Variants in USP7 observed in about 807,000 individuals in gnomAD.
USP7 encodes ubiquitin specific peptidase 7.
In USP7, 9 loss-of-function variants were observed where a neutral mutation model predicts 162.9. That is an observed-to-expected ratio of 0.06 (90% CI 0.03 to 0.10). The LOEUF is 0.10. Among genes scored for constraint, USP7 ranks in the 10% least tolerant of loss-of-function variants. USP7 has a pLI of 1.00. For missense variants in USP7, 715 were observed against 1,373.7 expected (o/e 0.52, Z 7.58); for synonymous variants, 562 against 475.9 (o/e 1.18, Z -2.35).
chr16:8,920,243 C>T (rs767163734), intron 5 of USP7, 116 bp downstream of exon 5: 6 of 865,624 alleles, frequency 6.9e-6, no homozygotes, highest in South Asian at 3.3e-5. Context: ...ACAGGGCAAG[C>T]GCAGAGAGGA....
chr16:8,961,147 C>T (rs769648852), intron 1 of USP7, among the ~76,000 whole-genome samples: 1 of 151,998 alleles, frequency 6.6e-6, no homozygotes, highest in African/African-American at 2.4e-5. Flanking sequence ...GCCTTGAAAA[C>T]GTGCATGGAG....
At chr16:8,895,605 A>T in intron 27 of USP7, 37 bp downstream of exon 27, 1 of 1,535,966 alleles carries the variant, frequency 6.5e-7, no homozygotes, top group Middle Eastern at 1.7e-4. Flanking sequence ...GGGGCTCATG[A>T]ATTCTCTCTG....
intron 10 of USP7, among the ~76,000 whole-genome samples, 161 bp from the exon 11 acceptor site, chr16:8,910,988 C>T (rs1397821015): frequency 6.6e-6 from 1 of 152,212 alleles, no homozygotes; most frequent in Admixed American, 6.5e-5. Flanking sequence ...GGTAAATGTG[C>T]TGTTAGCACC....
chr16:8,914,449 G>A (rs1171643605), intron 10 of USP7, among the ~76,000 whole-genome samples: 1 of 152,132 alleles, frequency 6.6e-6, no homozygotes, highest in Admixed American at 6.5e-5. Context: ...AAGAATGGTC[G>A]ATCTGCCTTA....
At position 8,919,064 on chromosome 16, in the gene USP7, T is replaced by G; in HGVS notation, c.687A>C (p.Leu229=). 1 of 1,613,944 alleles carries G rather than the reference T, an allele frequency of 6.2e-7. No homozygotes were observed. The highest frequency in any genetic ancestry group is 8.5e-7 in the Non-Finnish European group (1 of 1,180,022). Residue 229 remains leucine, a synonymous_variant, in exon 6 of 31, where the codon CTA becomes CTC. Transcript: ENST00000344836. ...GCTGATTCGTGAAAAATAACGTCTG[T>G]AGCAGGCTGTTCATGTAACAAGTCG... ...QGATCYMNSL[L]QTLFFTNQLR... is the part of the protein sequence containing the mutation.
In USP7 at chr16:8,963,675, G is replaced by A. The variant is rs1900114550; in HGVS notation, c.-390C>T. Among the ~76,000 whole-genome samples the A allele has an allele frequency of 7.0e-6, 1 of 143,306 alleles. No homozygotes were observed. The highest frequency in any genetic ancestry group is 2.5e-5 in the African/African-American group (1 of 40,026). 94.0% of individuals were successfully genotyped at this position (143,306 alleles called of 152,430 possible). On this transcript the variant is annotated 5_prime_UTR_variant, in exon 1 of 31. Transcript: ENST00000344836. The stretch of plus-strand genomic sequence containing the variant: ...GGAGGGCGGCCGGTCGGGGGCCGCG[G>A]AGTCAGCCCCGCCTCGGGCCGGGCG...
intron 4 of USP7, 36 bp from the exon 5 acceptor site, chr16:8,920,483 A>T: frequency 1.3e-6 from 2 of 1,558,048 alleles, no homozygotes; most frequent in Non-Finnish European, 1.8e-6. Flanking sequence ...AGCTTGAATA[A>T]GAACACACAT....
At chr16:8,926,363 C>T (rs184731990) in intron 2 of USP7, among the ~76,000 whole-genome samples, 7 of 152,148 alleles carry the variant, frequency 4.6e-5, no homozygotes, top group African/African-American at 1.7e-4. Context: ...CCTGTAATCC[C>T]AGCTACTTGG....
At chr16:8,909,917 C>G (rs1210035243) in intron 11 of USP7, among the ~76,000 whole-genome samples, 2 of 152,000 alleles carry the variant, frequency 1.3e-5, no homozygotes, top group Non-Finnish European at 2.9e-5. Context: ...CAGACCGAGT[C>G]TCCGTCTCAG....
At chr16:8,926,711 A>C (rs918950010) in intron 2 of USP7, among the ~76,000 whole-genome samples, 2 of 152,224 alleles carry the variant, frequency 1.3e-5, no homozygotes, top group South Asian at 4.1e-4. Flanking sequence ...TCACTGCAAA[A>C]TTAGCACTTC....
intron 13 of USP7, among the ~76,000 whole-genome samples, chr16:8,906,222 A>C (rs1267648495): frequency 6.6e-6 from 1 of 152,254 alleles, no homozygotes; most frequent in Non-Finnish European, 1.5e-5. Context: ...ATTACTCACA[A>C]AGAGAAGCAC....
intron 2 of USP7, chr16:8,929,645 C>G (rs1898203569): frequency 2.4e-5 from 11 of 453,152 alleles, no homozygotes; most frequent in South Asian, 1.7e-4. Flanking sequence ...ACTGCAATTA[C>G]TGGCTGCTCC....
chr16:8,895,729 A>G lies in USP7; in HGVS notation c.2832T>C (p.Ile944=). The G allele has an allele frequency of 6.2e-7, 1 of 1,612,866 alleles. No individual in the cohort carries two copies. Among genetic ancestry groups the G allele is most frequent in the Non-Finnish European group, 8.5e-7 (1 of 1,179,648 alleles). The change falls in exon 27 of 31, where the codon ATT becomes ATC. Residue 944 remains isoleucine, a synonymous_variant. Transcript: ENST00000344836. ...GAACACCAATGATTTTGTAGCTTAC[A>G]ATTTCTAGCAGCCTGAACAGAGAGG... The part of the protein sequence containing the change: ...KASGKLRLLE[I]VSYKIIGVHQ...
intron 26 of USP7, 65 bp downstream of exon 26, chr16:8,896,934 G>T: frequency 8.1e-7 from 1 of 1,240,476 alleles, no homozygotes; most frequent in Non-Finnish European, 1.2e-6. Flanking sequence ...CAACGCAACT[G>T]CAGAGGTCAG....
chr16:8,935,439 G>A (rs1470947228), intron 1 of USP7, among the ~76,000 whole-genome samples: 4 of 152,184 alleles, frequency 2.6e-5, no homozygotes, highest in African/African-American at 7.2e-5. Flanking sequence ...TCGAACTCCT[G>A]ACCTCAGGTG....
In USP7 at chr16:8,931,236, T is replaced by C. The variant is rs1355212926; in HGVS notation, c.80-839A>G. Among the ~76,000 whole-genome samples the C allele has an allele frequency of 2.0e-5, 3 of 151,926 alleles. No homozygotes were observed. The East Asian group carries it at 5.8e-4, about 29-fold the overall frequency. On this transcript the variant is annotated intron_variant, in intron 1 of 30. Transcript: ENST00000344836. ...CAGAGTCTCGCTCTGTCCCCCAGCC[T>C]GGAGTGCAGTGGCGCAATCTCAGCT...
intron 20 of USP7, 78 bp from the exon 21 acceptor site, chr16:8,900,708 T>C: frequency 9.4e-7 from 1 of 1,068,154 alleles, no homozygotes; most frequent in Non-Finnish European, 1.4e-6. Context: ...TCCATGTACT[T>C]AAGTATTTTC....
chr16:8,914,578 A>G (rs1235575389), intron 10 of USP7, among the ~76,000 whole-genome samples: 1 of 152,200 alleles, frequency 6.6e-6, no homozygotes, highest in Non-Finnish European at 1.5e-5. Context: ...TGATCAAACT[A>G]TGACTACTCC....
chr16:8,902,566 T>C, intron 16 of USP7, 84 bp from the exon 17 acceptor site: 1 of 1,024,070 alleles, frequency 9.8e-7, no homozygotes, highest in Non-Finnish European at 1.4e-6. Context: ...TGTATATACA[T>C]ATACATATAT....
Sources: gnomAD v4.1 joint callset for allele counts (sites outside exome capture counted in the v4.1 genomes callset) on GRCh38, gnomAD v4.1.1 for gene constraint, MANE v1.5 for transcripts, NCBI Gene and HGNC (gene_info 2026-07-23, HGNC 2026-07-21) for gene names.